The following QTMAN variants were observed in gnomAD, a reference collection of about 807,000 sequenced individuals.
The protein encoded by QTMAN is queuosine-tRNA mannosyltransferase, also known as tRNA-queuosine alpha-mannosyltransferase.
chr2:144,276,587 A>C, the QTMAN span, among the ~76,000 whole-genome samples: 2 of 152,316 alleles, frequency 1.3e-5, no homozygotes, highest in South Asian at 4.1e-4. Context: ...TTCAGAATTG[A>C]CATATTATTA....
the QTMAN span, among the ~76,000 whole-genome samples, chr2:143,981,247 A>AGAAT: frequency 2.0e-5 from 3 of 152,244 alleles, no homozygotes; most frequent in Admixed American, 1.3e-4. Flanking sequence ...ATACGGCTTT[A>AGAAT]GAATGAATGA....
the QTMAN span, among the ~76,000 whole-genome samples, chr2:144,182,861 A>ATATT: frequency 6.0e-5 from 4 of 66,754 alleles, no homozygotes; most frequent in African/African-American, 3.4e-4. Flanking sequence ...TTTTATATAT[A>ATATT]ATATATATAT....
At chr2:144,244,271 T>G in the QTMAN span, among the ~76,000 whole-genome samples, 1 of 152,268 alleles carries the variant, frequency 6.6e-6, no homozygotes, top group African/African-American at 2.4e-5. Context: ...TACAACAACA[T>G]TGGGGAAGTT....
the QTMAN span, among the ~76,000 whole-genome samples, chr2:144,075,820 A>G: frequency 1.3e-5 from 2 of 152,254 alleles, no homozygotes; most frequent in African/African-American, 4.8e-5. Flanking sequence ...AAATGTCCAT[A>G]GGTAGCAGTG....
chr2:143,962,528 G>A, the QTMAN span, among the ~76,000 whole-genome samples: 1 of 152,094 alleles, frequency 6.6e-6, no homozygotes, highest in African/African-American at 2.4e-5. Flanking sequence ...TTATCTTCTT[G>A]GATGTTCTAG....
the QTMAN span, among the ~76,000 whole-genome samples, chr2:143,986,893 G>C: frequency 6.6e-6 from 1 of 152,132 alleles, no homozygotes; most frequent in African/African-American, 2.4e-5. Context: ...GGAAAATTTT[G>C]CAAAGCGATG....
chr2:144,234,644 G>A, the QTMAN span, among the ~76,000 whole-genome samples: 5 of 152,160 alleles, frequency 3.3e-5, no homozygotes, highest in African/African-American at 4.8e-5. Flanking sequence ...TGAATCAGCT[G>A]TTAAAAGAAG....
At chr2:143,959,170 T>C in the QTMAN span, among the ~76,000 whole-genome samples, 1 of 152,070 alleles carries the variant, frequency 6.6e-6, no homozygotes, top group Non-Finnish European at 1.5e-5. Flanking sequence ...TATGATAAAA[T>C]GAACTGTAAA....
At chr2:144,219,107 T>C in the QTMAN span, among the ~76,000 whole-genome samples, 1 of 152,064 alleles carries the variant, frequency 6.6e-6, no homozygotes. Flanking sequence ...AAAAATCACT[T>C]TGCAGTAACA....
the QTMAN span, among the ~76,000 whole-genome samples, chr2:144,088,387 C>T: frequency 1.2e-4 from 18 of 151,932 alleles, no homozygotes; most frequent in Admixed American, 9.2e-4. Context: ...GATAAAATGA[C>T]CACATAGCCC....
chr2:144,224,570 G>A, the QTMAN span, among the ~76,000 whole-genome samples: 1 of 152,176 alleles, frequency 6.6e-6, no homozygotes, highest in Non-Finnish European at 1.5e-5. Flanking sequence ...CTGAGGGCTG[G>A]TGTGAGGAGG....
the QTMAN span, among the ~76,000 whole-genome samples, chr2:144,219,195 A>G: frequency 9.2e-5 from 14 of 152,246 alleles, no homozygotes; most frequent in African/African-American, 3.1e-4. Flanking sequence ...CAATGGCACC[A>G]TCTCGGCTCA....
chr2:144,063,999 T>C, the QTMAN span, among the ~76,000 whole-genome samples: 1 of 152,250 alleles, frequency 6.6e-6, no homozygotes, highest in African/African-American at 2.4e-5. Flanking sequence ...TTGTTGACCT[T>C]ATTATAGAAA....
chr2:144,035,921 C>G, the QTMAN span, among the ~76,000 whole-genome samples: 2 of 152,154 alleles, frequency 1.3e-5, no homozygotes, highest in African/African-American at 4.8e-5. Context: ...TGAAAGCAAA[C>G]AGGGCACCCT....
the QTMAN span, among the ~76,000 whole-genome samples, chr2:144,188,127 A>G: frequency 5.3e-5 from 8 of 152,224 alleles, no homozygotes; most frequent in Non-Finnish European, 4.4e-5. Context: ...GAACTGTGAG[A>G]GAATAAATTC....
the QTMAN span, among the ~76,000 whole-genome samples, chr2:144,227,647 C>T: frequency 2.0e-5 from 3 of 152,202 alleles, no homozygotes; most frequent in East Asian, 5.8e-4. Flanking sequence ...GGAAACATAA[C>T]AATACCAACA....
the QTMAN span, among the ~76,000 whole-genome samples, chr2:144,120,680 G>C: frequency 6.6e-6 from 1 of 152,116 alleles, no homozygotes; most frequent in South Asian, 2.1e-4. Context: ...AAGGGATTTC[G>C]GTAAGAACTG....
the QTMAN span, among the ~76,000 whole-genome samples, chr2:144,046,357 G>T: frequency 6.6e-6 from 1 of 152,148 alleles, no homozygotes. Context: ...TTTCATTATT[G>T]TTTTTAATAA....
At chr2:144,281,953 G>A in the QTMAN span, among the ~76,000 whole-genome samples, 1 of 152,114 alleles carries the variant, frequency 6.6e-6, no homozygotes, top group Non-Finnish European at 1.5e-5. Flanking sequence ...TATGGCAGCT[G>A]TAGAAAACTA....
Sources: gnomAD v4.1 joint callset for allele counts (sites outside exome capture counted in the v4.1 genomes callset) on GRCh38, gnomAD v4.1.1 for gene constraint, MANE v1.5 for transcripts, NCBI Gene and HGNC (gene_info 2026-07-23, HGNC 2026-07-21) for gene names.